ASCC3: variants seen among roughly 807,000 people sequenced by gnomAD.
The protein encoded by ASCC3 is activating signal cointegrator 1 complex subunit 3.
Under a neutral mutation model 256.3 loss-of-function variants are expected in ASCC3, and 158 were observed. That is an observed-to-expected ratio of 0.62 (90% CI 0.54 to 0.70). ASCC3 has a LOEUF of 0.70. Ranked by LOEUF, ASCC3 falls within the 30% of genes least tolerant of loss-of-function variation. ASCC3 has a pLI of 0.00. For synonymous variants in ASCC3, 948 were observed against 883.4 expected (o/e 1.07, Z -1.30); for missense variants, 2,259 against 2,626.0 (o/e 0.86, Z 3.05).
rs143987378 is a variant in ASCC3, at chr6:100,713,351, C to T, written c.2151+2111G>A. ...GCTACATACTATGTGGTTCCAACTACAAGATGTTCCAGAAAAAAACAAAAC... is the reference window on the plus strand; with the variant it reads ...GCTACATACTATGTGGTTCCAACTATAAGATGTTCCAGAAAAAAACAAAAC... On this transcript the variant is annotated intron_variant, in intron 13 of 41. Coordinates refer to ENST00000369162, the MANE Select transcript of ASCC3 (RefSeq NM_006828.4). Among the ~76,000 whole-genome samples the T allele has an allele frequency of 5.3e-3, 813 of 152,122 alleles. 3 individuals carry two copies. Among genetic ancestry groups the T allele is most frequent in the Middle Eastern group, 0.024 (7 of 294 alleles).
chr6:100,683,124 A>C (rs754691838), intron 13 of ASCC3, among the ~76,000 whole-genome samples: 14 of 152,152 alleles, frequency 9.2e-5, no homozygotes, highest in Non-Finnish European at 2.1e-4. Flanking sequence ...CCCCAATAAT[A>C]TCTTTATTTA....
chr6:100,742,477 T>C (rs7740120), intron 10 of ASCC3, among the ~76,000 whole-genome samples: 2,954 of 152,248 alleles, frequency 0.019, 88 homozygotes, highest in African/African-American at 0.068. Flanking sequence ...AACAGCTGAA[T>C]TGACTGAACC....
chr6:100,629,990 C>T (rs1462135139), intron 26 of ASCC3, among the ~76,000 whole-genome samples: 6 of 151,940 alleles, frequency 3.9e-5, no homozygotes, highest in Non-Finnish European at 5.9e-5. Flanking sequence ...CTCCACCTCC[C>T]GGGTTCAGGT....
chr6:100,574,339 A>C (rs1330829778), intron 36 of ASCC3, among the ~76,000 whole-genome samples: 1 of 152,136 alleles, frequency 6.6e-6, no homozygotes, highest in Non-Finnish European at 1.5e-5. Context: ...TAAAAAGGAA[A>C]AAAGAAAAGT....
At chr6:100,754,365 A>G (rs932259202) in intron 10 of ASCC3, among the ~76,000 whole-genome samples, 1 of 152,170 alleles carries the variant, frequency 6.6e-6, no homozygotes, top group Non-Finnish European at 1.5e-5. Flanking sequence ...GGTACACAGT[A>G]GGTATTTATG....
At chr6:100,685,233 C>T (rs1025371886) in intron 13 of ASCC3, among the ~76,000 whole-genome samples, 1 of 152,170 alleles carries the variant, frequency 6.6e-6, no homozygotes, top group African/African-American at 2.4e-5. Flanking sequence ...TTTTGTTTTA[C>T]ATTATGTGGC....
At chr6:100,831,799 T>C (rs987762865) in intron 4 of ASCC3, among the ~76,000 whole-genome samples, 2 of 151,730 alleles carry the variant, frequency 1.3e-5, no homozygotes, top group African/African-American at 2.4e-5. Context: ...TGAAACAATA[T>C]GACAAAGACT....
At chr6:100,792,461 G>A (rs903338415) in intron 8 of ASCC3, among the ~76,000 whole-genome samples, 2 of 151,736 alleles carry the variant, frequency 1.3e-5, no homozygotes, top group East Asian at 3.9e-4. Context: ...ATATCCAAAG[G>A]TAACAGCAAT....
At chr6:100,809,181 A>C (rs1394520107) in intron 4 of ASCC3, among the ~76,000 whole-genome samples, 1 of 151,896 alleles carries the variant, frequency 6.6e-6, no homozygotes, top group African/African-American at 2.4e-5. Flanking sequence ...TTCAAAAAAA[A>C]AAATAGTATT....
chr6:100,814,299 T>C (rs1770635696), intron 4 of ASCC3, among the ~76,000 whole-genome samples: 1 of 152,184 alleles, frequency 6.6e-6, no homozygotes, highest in Non-Finnish European at 1.5e-5. Flanking sequence ...CCTACTTGGT[T>C]ATGATGGATA....
At chr6:100,819,692 A>C (rs1445443697) in intron 4 of ASCC3, among the ~76,000 whole-genome samples, 1 of 152,182 alleles carries the variant, frequency 6.6e-6, no homozygotes, top group African/African-American at 2.4e-5. Context: ...AGACTCAGCC[A>C]GTCTAGTCTT....
chr6:100,515,077 A>G (rs1027102625), intron 39 of ASCC3, among the ~76,000 whole-genome samples: 14 of 152,314 alleles, frequency 9.2e-5, no homozygotes, highest in African/African-American at 3.4e-4. Flanking sequence ...AAATTAAGTA[A>G]GTTTACTTCT....
At position 100,679,649 on chromosome 6, in the gene ASCC3, T is replaced by G. The variant is rs1423851243; in HGVS notation, c.2255A>C (p.Gln752Pro). The G allele has an allele frequency of 3.1e-6, 5 of 1,613,572 alleles. No individual in the cohort carries two copies. The highest frequency in any genetic ancestry group is 4.2e-6 in the Non-Finnish European group (5 of 1,179,754). The change falls in exon 14 of 42, where the codon CAA (glutamine) becomes CCA (proline). Residue 752 changes from glutamine (Q) to proline (P), a missense_variant. Physicochemically the swap from Gln to Pro is moderately conservative, Grantham distance 76. Transcript: ENST00000369162. Reference protein sequence around the residue: ...CGHIPFFFPTQGHDYVLAEKQ... With the variant: ...CGHIPFFFPTPGHDYVLAEKQ... The stretch of plus-strand genomic sequence containing the variant: ...TTCTGCAAGTACATAGTCATGTCCT[T>G]GGGTAGGAAAAAAGAAGGGAATATG...
chr6:100,550,951 C>A (rs1002986455), intron 36 of ASCC3, among the ~76,000 whole-genome samples: 3 of 151,874 alleles, frequency 2.0e-5, no homozygotes, highest in African/African-American at 7.2e-5. Context: ...TAATAAGTTT[C>A]ATAAAAATGC....
At chr6:100,602,073 A>C in intron 33 of ASCC3, 138 bp from the exon 34 acceptor site, 2 of 842,650 alleles carry the variant, frequency 2.4e-6, no homozygotes, top group Non-Finnish European at 3.5e-6. Flanking sequence ...AATATTTAGT[A>C]TATAATTTTG....
At chr6:100,549,356 T>C (rs1379611957) in intron 36 of ASCC3, among the ~76,000 whole-genome samples, 1 of 152,026 alleles carries the variant, frequency 6.6e-6, no homozygotes, top group Non-Finnish European at 1.5e-5. Flanking sequence ...CTACGCTGTT[T>C]TGAATACTGT....
chr6:100,539,329 C>T (rs1446442452), intron 37 of ASCC3, among the ~76,000 whole-genome samples: 5 of 152,110 alleles, frequency 3.3e-5, no homozygotes, highest in Admixed American at 6.5e-5. Context: ...TATAAAAATA[C>T]TCTTCTCTTT....
chr6:100,695,100 T>C (rs979672536), intron 13 of ASCC3, among the ~76,000 whole-genome samples: 1 of 152,322 alleles, frequency 6.6e-6, no homozygotes, highest in Non-Finnish European at 1.5e-5. Flanking sequence ...TGTATTATTG[T>C]TACAAAGCCA....
chr6:100,683,261 T>A (rs1485357136), intron 13 of ASCC3, among the ~76,000 whole-genome samples: 2 of 152,272 alleles, frequency 1.3e-5, no homozygotes, highest in African/African-American at 4.8e-5. Context: ...AAATGCCACA[T>A]TATGTAAATC....
Sources: allele counts gnomAD v4.1 joint callset (sites outside exome capture counted in the v4.1 genomes callset), GRCh38; gene constraint gnomAD v4.1.1; transcripts MANE v1.5; gene names NCBI Gene and HGNC (gene_info 2026-07-23, HGNC 2026-07-21).